Variants in SH3GL3 observed in about 807,000 individuals in gnomAD.
SH3GL3 encodes the protein endophilin-A3.
In SH3GL3, 33 loss-of-function variants were observed where a neutral mutation model predicts 47.7. That is an observed-to-expected ratio of 0.69 (90% CI 0.52 to 0.92). The LOEUF is 0.92. SH3GL3 is among the 40% of genes least tolerant of loss of function. The pLI is 0.00. For synonymous variants in SH3GL3, 155 were observed against 148.8 expected (o/e 1.04, Z -0.30); for missense variants, 363 against 417.8 (o/e 0.87, Z 1.14).
At chr15:83,531,155 G>A (rs1013979570) in intron 1 of SH3GL3, among the ~76,000 whole-genome samples, 1 of 152,168 alleles carries the variant, frequency 6.6e-6, no homozygotes, top group Admixed American at 6.5e-5. Flanking sequence ...ACTACTTTGT[G>A]TGCACCATTC....
At chr15:83,609,032 C>T (rs1244441211) in intron 8 of SH3GL3, among the ~76,000 whole-genome samples, 1 of 152,158 alleles carries the variant, frequency 6.6e-6, no homozygotes, top group Non-Finnish European at 1.5e-5. Flanking sequence ...GTTAACCTGC[C>T]TTGCTGGAAA....
At chr15:83,475,089 G>A (rs1459773251) in intron 1 of SH3GL3, among the ~76,000 whole-genome samples, 4 of 151,720 alleles carry the variant, frequency 2.6e-5, no homozygotes, top group Admixed American at 1.3e-4. Flanking sequence ...TTAGCTCAAT[G>A]TAAAAGTGAT....
At chr15:83,560,615 C>A (rs1443664504) in intron 2 of SH3GL3, among the ~76,000 whole-genome samples, 1 of 152,130 alleles carries the variant, frequency 6.6e-6, no homozygotes, top group African/African-American at 2.4e-5. Context: ...CCTCCTTTTA[C>A]CTCCAAAAAC....
intron 1 of SH3GL3, among the ~76,000 whole-genome samples, chr15:83,518,435 C>T (rs2043077013): frequency 6.6e-6 from 1 of 152,132 alleles, no homozygotes; most frequent in Admixed American, 6.5e-5. Context: ...GTCTTTCTGA[C>T]TGGTGTGAGA....
intron 3 of SH3GL3, among the ~76,000 whole-genome samples, 170 bp from the exon 4 acceptor site, chr15:83,568,359 A>G (rs1372315059): frequency 1.3e-5 from 2 of 152,170 alleles, no homozygotes; most frequent in East Asian, 1.9e-4. Flanking sequence ...TAAAGAACCT[A>G]GAAAATTACC....
At chr15:83,606,663 T>C (rs1002444147) in intron 8 of SH3GL3, among the ~76,000 whole-genome samples, 7 of 152,140 alleles carry the variant, frequency 4.6e-5, no homozygotes, top group African/African-American at 1.7e-4. Context: ...AAGAGAGAAA[T>C]AAATAAGGAA....
intron 1 of SH3GL3, among the ~76,000 whole-genome samples, chr15:83,554,575 A>C (rs2044843933): frequency 6.6e-6 from 1 of 152,068 alleles, no homozygotes; most frequent in South Asian, 2.1e-4. Flanking sequence ...TTTAGTAGAG[A>C]CAGGGTTTCA....
In SH3GL3 at chr15:83,448,198, A is replaced by T. The variant is rs1240323226; in HGVS notation, c.45+620A>T. Among the ~76,000 whole-genome samples, 3 of 152,252 alleles carry T rather than the reference A, an allele frequency of 2.0e-5. No homozygotes were observed. The highest frequency in any genetic ancestry group is 1.3e-4 in the Admixed American group (2 of 15,300). ...CTGGGCATCACGCTTCTGCTCTTAC[A>T]GAGCTGACAGCCTGCAGGGGAGACA... On this transcript the variant is annotated intron_variant, in intron 1 of 8. Coordinates refer to ENST00000427482, the MANE Select transcript of SH3GL3 (RefSeq NM_003027.5). The surrounding 1 kb of genome is among the most constrained non-coding windows in gnomAD (Gnocchi z 4.2).
intron 8 of SH3GL3, among the ~76,000 whole-genome samples, chr15:83,594,099 A>C (rs1040738909): frequency 6.6e-6 from 1 of 152,228 alleles, no homozygotes; most frequent in South Asian, 2.1e-4. Flanking sequence ...GATTACAGGC[A>C]TGAGCCACTA....
chr15:83,456,929 C>G (rs890337114), intron 1 of SH3GL3, among the ~76,000 whole-genome samples: 8 of 152,284 alleles, frequency 5.3e-5, no homozygotes, highest in African/African-American at 1.7e-4. Flanking sequence ...AGAGATGTAG[C>G]TTGAGCTATT....
At chr15:83,605,693 A>G (rs1234776589) in intron 8 of SH3GL3, among the ~76,000 whole-genome samples, 4 of 152,200 alleles carry the variant, frequency 2.6e-5, no homozygotes, top group Admixed American at 2.0e-4. Context: ...GGGGAGAATC[A>G]CATCTTGAAA....
intron 7 of SH3GL3, among the ~76,000 whole-genome samples, chr15:83,587,745 A>G (rs2059992806): frequency 6.6e-6 from 1 of 152,230 alleles, no homozygotes; most frequent in Non-Finnish European, 1.5e-5. Context: ...TGTAGTCTAT[A>G]CTTTTCTGAA....
intron 1 of SH3GL3, among the ~76,000 whole-genome samples, chr15:83,554,682 C>T (rs944023188): frequency 2.6e-5 from 4 of 152,172 alleles, no homozygotes; most frequent in Non-Finnish European, 5.9e-5. Flanking sequence ...TCTGTAATCC[C>T]GTGCCTAGCC....
intron 6 of SH3GL3, among the ~76,000 whole-genome samples, chr15:83,578,772 G>A (rs1052894611): frequency 2.0e-5 from 3 of 151,728 alleles, no homozygotes; most frequent in Non-Finnish European, 2.9e-5. Context: ...AAGCAACAGC[G>A]ATTTTGTTTT....
In SH3GL3 at chr15:83,448,320, G is replaced by A. The variant is rs1413330814; in HGVS notation, c.45+742G>A. Among the ~76,000 whole-genome samples the A allele has an allele frequency of 3.3e-5, 5 of 152,130 alleles. No individual in the cohort carries two copies. Among genetic ancestry groups the A allele is most frequent in the Admixed American group, 2.6e-4 (4 of 15,272 alleles). ...GGGCGTCAGGGAGAGCTTCCCGGAG[G>A]AGGAGACATGTCATTTGAGAATTAA... On this transcript the variant is annotated intron_variant, in intron 1 of 8. Coordinates refer to ENST00000427482, the MANE Select transcript of SH3GL3 (RefSeq NM_003027.5). This position sits in a 1 kb window ranked among gnomAD's most constrained non-coding sequence, Gnocchi z 4.2.
At chr15:83,517,175 ACTTT>A (rs1270148310) in intron 1 of SH3GL3, among the ~76,000 whole-genome samples, 3 of 147,054 alleles carry the variant, frequency 2.0e-5, no homozygotes, top group Non-Finnish European at 3.0e-5. Flanking sequence ...TTTCCATGTG[ACTTT>A]CTTTCTTTTC....
chr15:83,618,771 G>A (rs2060892649), downstream of SH3GL3: 1 of 166,536 alleles, frequency 6.0e-6, no homozygotes, highest in Non-Finnish European at 1.3e-5. Flanking sequence ...ATGTTGAATT[G>A]TTGATTTTTA....
At chr15:83,498,495 A>G (rs766780632) in intron 1 of SH3GL3, among the ~76,000 whole-genome samples, 6 of 152,200 alleles carry the variant, frequency 3.9e-5, no homozygotes, top group Admixed American at 6.5e-5. Context: ...TATTGTTGCC[A>G]TTATTCTATT....
At chr15:83,546,830 C>G (rs924836141) in intron 1 of SH3GL3, among the ~76,000 whole-genome samples, 1 of 152,164 alleles carries the variant, frequency 6.6e-6, no homozygotes, top group Non-Finnish European at 1.5e-5. Flanking sequence ...CAGGATGGGT[C>G]TAGAAATGTT....
Sources: gnomAD v4.1 joint callset for allele counts (sites outside exome capture counted in the v4.1 genomes callset) on GRCh38, gnomAD v4.1.1 for gene constraint, Gnocchi (gnomAD v3.1) non-coding constraint, MANE v1.5 for transcripts, NCBI Gene and HGNC (gene_info 2026-07-23, HGNC 2026-07-21) for gene names.